RNF115: variants seen among roughly 807,000 people sequenced by gnomAD.
RNF115 encodes E3 ubiquitin-protein ligase RNF115.
RNF115 carries 31 observed loss-of-function variants against 39.2 expected under a neutral mutation model. The ratio of observed to expected loss-of-function variants is 0.79; its 90% CI spans 0.59 to 1.07. RNF115 has a LOEUF of 1.07. Among genes scored for constraint, RNF115 ranks in the 50% least tolerant of loss-of-function variants. The pLI is 0.00. For synonymous variants in RNF115, 124 were observed against 131.0 expected, an observed-to-expected ratio of 0.95 and a Z score of 0.37; for missense variants, 384 against 381.7, an observed-to-expected ratio of 1.01 and a Z score of -0.05.
intron 4 of RNF115, 100 bp downstream of exon 4, chr1:145,771,611 C>G: frequency 2.2e-6 from 2 of 919,090 alleles, no homozygotes; most frequent in Non-Finnish European, 3.3e-6. Context: ...CCATCTTGTC[C>G]ACAAAGGTAA....
intron 1 of RNF115, among the ~76,000 whole-genome samples, chr1:145,804,495 GCATGCA>G (rs1451708579): frequency 1.1e-4 from 9 of 80,542 alleles, no homozygotes; most frequent in African/African-American, 5.0e-4. Flanking sequence ...ATGCATGCAT[GCATGCA>G]CACACACACA....
At chr1:145,775,663 G>C (rs1267141164) in intron 3 of RNF115, among the ~76,000 whole-genome samples, 1 of 151,890 alleles carries the variant, frequency 6.6e-6, no homozygotes, top group Non-Finnish European at 1.5e-5. Flanking sequence ...CCAAAGTACT[G>C]GGATTGAACC....
At chr1:145,803,387 C>G (rs782715268) in intron 1 of RNF115, among the ~76,000 whole-genome samples, 4 of 151,920 alleles carry the variant, frequency 2.6e-5, no homozygotes, top group Non-Finnish European at 4.4e-5. Flanking sequence ...CATTCACAAC[C>G]TTTATTTATT....
Position 145,771,786 on chromosome 1 carries a change from G to C in RNF115, c.353C>G (p.Pro118Arg), listed in dbSNP as rs1647654924. ...TCTCCGACCCAATGGCAACCGTGGA[G>C]GTCTTGCTCCCCAGAAGTCAGTGTG... Reference protein sequence around the residue: ...QTHTDFWGARPPRLPLGRRYR... With the variant: ...QTHTDFWGARRPRLPLGRRYR... Residue 118 changes from proline (P) to arginine (R), a missense_variant, in exon 4 of 9, where the codon CCT (proline) becomes CGT (arginine). By Grantham distance (103) the Pro-to-Arg change is moderately radical. Coordinates refer to ENST00000582693, the MANE Select transcript of RNF115 (RefSeq NM_014455.4). 1.9e-6 allele frequency: 3 copies of C among 1,614,174 alleles called. No individual in the cohort carries two copies. The East Asian group carries it at 6.7e-5, about 36-fold the overall frequency.
At chr1:145,815,014 T>G (rs587682021) in intron 1 of RNF115, among the ~76,000 whole-genome samples, 1 of 152,266 alleles carries the variant, frequency 6.6e-6, no homozygotes, top group African/African-American at 2.4e-5. Flanking sequence ...TAGCACCAGA[T>G]AGACATCTCT....
chr1:145,811,431 A>G (rs1649698975), intron 1 of RNF115, among the ~76,000 whole-genome samples: 1 of 146,488 alleles, frequency 6.8e-6, no homozygotes, highest in Non-Finnish European at 1.5e-5. Flanking sequence ...ACATTTGCAA[A>G]GAATTGTTCA....
chr1:145,761,456 G>T (rs1323209144), intron 4 of RNF115, among the ~76,000 whole-genome samples: 1 of 152,206 alleles, frequency 6.6e-6, no homozygotes, highest in Admixed American at 6.5e-5. Context: ...AGTTGCTCCA[G>T]CCATGGCTGA....
At chr1:145,768,615 T>C (rs1647492379) in intron 4 of RNF115, among the ~76,000 whole-genome samples, 1 of 152,018 alleles carries the variant, frequency 6.6e-6, no homozygotes, top group Admixed American at 6.5e-5. Context: ...CACCCGGCCA[T>C]TAAATACAAA....
At chr1:145,786,505 T>C (rs1264037093) in intron 2 of RNF115, among the ~76,000 whole-genome samples, 1 of 152,198 alleles carries the variant, frequency 6.6e-6, no homozygotes, top group African/African-American at 2.4e-5. Flanking sequence ...ATAGCACCTA[T>C]ATAAGACAAC....
intron 4 of RNF115, among the ~76,000 whole-genome samples, chr1:145,759,315 A>G (rs1384423755): frequency 6.6e-6 from 1 of 152,074 alleles, no homozygotes; most frequent in Admixed American, 6.6e-5. Flanking sequence ...CAACATTTCC[A>G]CTTGTATAAT....
chr1:145,779,666 A>ATTTCTTTAT (rs1648035667), intron 3 of RNF115, among the ~76,000 whole-genome samples: 3 of 151,816 alleles, frequency 2.0e-5, no homozygotes, highest in Admixed American at 2.0e-4. Flanking sequence ...AATATGGGAT[A>ATTTCTTTAT]TTTCTTTATT....
intron 1 of RNF115, among the ~76,000 whole-genome samples, chr1:145,800,051 A>G (rs1553720664): frequency 6.6e-6 from 1 of 152,186 alleles, no homozygotes; most frequent in African/African-American, 2.4e-5. Flanking sequence ...TTAATGTGGT[A>G]TTCTCTTTAC....
chr1:145,797,949 T>C (rs1649055862), intron 1 of RNF115, among the ~76,000 whole-genome samples: 1 of 152,240 alleles, frequency 6.6e-6, no homozygotes, highest in Non-Finnish European at 1.5e-5. Flanking sequence ...TTATCATCTT[T>C]GGAGAAATGA....
At chr1:145,788,068 G>A (rs1476780072) in intron 2 of RNF115, among the ~76,000 whole-genome samples, 1 of 151,938 alleles carries the variant, frequency 6.6e-6, no homozygotes, top group African/African-American at 2.4e-5. Context: ...CTGGAAAGAT[G>A]GCCTAAGTTT....
chr1:145,764,481 C>A (rs1164536795), intron 4 of RNF115, among the ~76,000 whole-genome samples: 1 of 151,850 alleles, frequency 6.6e-6, no homozygotes, highest in Non-Finnish European at 1.5e-5. Flanking sequence ...CGCCTCTGCC[C>A]GGCCGCGACC....
intron 1 of RNF115, among the ~76,000 whole-genome samples, chr1:145,790,640 C>T (rs1402608984): frequency 1.3e-5 from 2 of 152,038 alleles, no homozygotes; most frequent in Non-Finnish European, 2.9e-5. Flanking sequence ...CCATGTTGGT[C>T]AGGCTGGTCT....
chr1:145,797,550 C>G (rs1553720293), intron 1 of RNF115, among the ~76,000 whole-genome samples: 2 of 152,268 alleles, frequency 1.3e-5, no homozygotes, highest in East Asian at 3.9e-4. Context: ...ATTTATTCAT[C>G]AAGGACATCT....
Position 145,752,969 on chromosome 1 carries a change from G to A in RNF115, c.500+9C>T. The stretch of plus-strand genomic sequence containing the variant: ...AATAGAGTAAGATAGAAAACAATTA[G>A]TTACTTACCAGGAAAAAGGGTGTGG... On this transcript the variant is annotated intron_variant, in intron 5 of 8. Transcript: ENST00000582693. 1 of 1,568,172 alleles carries A rather than the reference G, an allele frequency of 6.4e-7. No individual in the cohort carries two copies. The highest frequency in any genetic ancestry group is 8.8e-7 in the Non-Finnish European group (1 of 1,138,766).
rs141084774 is a variant in RNF115 at position 145,795,346 on chromosome 1, C to T, written c.103-6380G>A. Among the ~76,000 whole-genome samples, 1,372 of 152,188 alleles carry T rather than the reference C, an allele frequency of 9.0e-3. 13 individuals carry two copies. Among genetic ancestry groups the T allele is most frequent in the Non-Finnish European group, 0.013 (905 of 68,014 alleles). On this transcript the variant is annotated intron_variant, in intron 1 of 8. Coordinates refer to ENST00000582693, the MANE Select transcript of RNF115 (RefSeq NM_014455.4). ...AGCCAAGAACAAAGCTTCCACAACG[C>T]GGAAGGGACCCAAGCTGCTTGCTGC...
Sources: allele counts gnomAD v4.1 joint callset (sites outside exome capture counted in the v4.1 genomes callset), GRCh38; gene constraint gnomAD v4.1.1; transcripts MANE v1.5; gene names NCBI Gene and HGNC (gene_info 2026-07-23, HGNC 2026-07-21).